PTPRN2: variants seen among roughly 807,000 people sequenced by gnomAD.
PTPRN2 encodes the protein protein tyrosine phosphatase receptor type N2.
Under a neutral mutation model 118.8 loss-of-function variants are expected in PTPRN2, and 74 were observed. That is an observed-to-expected ratio of 0.62 (90% CI 0.52 to 0.76). The LOEUF (loss-of-function observed/expected upper bound fraction) is 0.76. Among genes scored for constraint, PTPRN2 ranks in the 30% least tolerant of loss-of-function variants. PTPRN2 has a pLI of 0.00. For missense variants in PTPRN2, 1,481 were observed against 1,394.4 expected, an observed-to-expected ratio of 1.06 and a Z score of -0.99; for synonymous variants, 641 against 608.0, an observed-to-expected ratio of 1.05 and a Z score of -0.80.
At position 158,015,424 on chromosome 7, in the gene PTPRN2, G is replaced by A. The variant is rs1329455446; in HGVS notation, c.1723+65874C>T. 1.3e-5 allele frequency among the ~76,000 whole-genome samples: 2 copies of A among 151,782 alleles called. No individual in the cohort carries two copies. The highest frequency in any genetic ancestry group is 4.8e-5 in the African/African-American group (2 of 41,312). ...GTGACAAATAGAGAAGAGATGGGGAGAGAGAGGGAAAAAGTGAGAGGAGGG... is the reference window on the plus strand; with the variant it reads ...GTGACAAATAGAGAAGAGATGGGGAAAGAGAGGGAAAAAGTGAGAGGAGGG... On this transcript the variant is annotated intron_variant, in intron 11 of 22. Transcript: ENST00000389418. The surrounding 1 kb of genome is among the most constrained non-coding windows in gnomAD (Gnocchi z 4.2).
At chr7:157,737,489 G>T (rs982239758) in intron 12 of PTPRN2, among the ~76,000 whole-genome samples, 16 of 152,244 alleles carry the variant, frequency 1.1e-4, no homozygotes, top group Non-Finnish European at 2.4e-4. Flanking sequence ...GCTAAGCGTT[G>T]TGCCCGGGCA....
intron 3 of PTPRN2, among the ~76,000 whole-genome samples, chr7:158,300,865 G>A (rs1049566973): frequency 1.3e-5 from 2 of 152,044 alleles, no homozygotes; most frequent in African/African-American, 4.8e-5. Flanking sequence ...TTCATGAAGG[G>A]AAATAAACAC....
At chr7:157,678,100 T>C (rs1796754613) in intron 13 of PTPRN2, among the ~76,000 whole-genome samples, 1 of 152,272 alleles carries the variant, frequency 6.6e-6, no homozygotes, top group East Asian at 1.9e-4. Flanking sequence ...AATTATTTCA[T>C]AACAAATGAT....
At chr7:158,227,273 C>A (rs1828856569) in intron 3 of PTPRN2, among the ~76,000 whole-genome samples, 1 of 152,060 alleles carries the variant, frequency 6.6e-6, no homozygotes, top group African/African-American at 2.4e-5. Flanking sequence ...AGACAGACAG[C>A]CCAAGGTCAT....
chr7:157,682,335 G>A (rs1796954460), intron 13 of PTPRN2, among the ~76,000 whole-genome samples: 2 of 152,212 alleles, frequency 1.3e-5, no homozygotes, highest in African/African-American at 4.8e-5. Context: ...AGACCCCGAG[G>A]AAGCCGATGA....
In PTPRN2 at chr7:158,521,320, G is replaced by A. The variant is rs569267633; in HGVS notation, c.113-31535C>T. ...ACGCACAGGACTGTGTGATTCACCCGAAACCACACAGTTAGTTGCTGAGTT... is the reference window on the plus strand; with the variant it reads ...ACGCACAGGACTGTGTGATTCACCCAAAACCACACAGTTAGTTGCTGAGTT... On this transcript the variant is annotated intron_variant, in intron 1 of 22. Transcript: ENST00000389418. 2.8e-4 allele frequency among the ~76,000 whole-genome samples: 42 copies of A among 152,312 alleles called. 1 individual carries two copies. Among genetic ancestry groups the A allele is most frequent in the East Asian group, 1.5e-3 (8 of 5,184 alleles).
intron 4 of PTPRN2, among the ~76,000 whole-genome samples, chr7:158,195,316 C>A (rs77903439): frequency 0.015 from 2,236 of 152,300 alleles, 37 homozygotes; most frequent in South Asian, 0.058. Flanking sequence ...GAGAAACCTG[C>A]AGTGGCCTTC....
chr7:157,907,148 T>A (rs1797817540), intron 11 of PTPRN2, among the ~76,000 whole-genome samples: 1 of 152,116 alleles, frequency 6.6e-6, no homozygotes, highest in Non-Finnish European at 1.5e-5. Context: ...ACCTTCAAGG[T>A]GGGTGTGGTG....
rs554856592 is a variant in PTPRN2 at position 157,874,355 on chromosome 7, C to G, written c.1788+24318G>C. Among the ~76,000 whole-genome samples the G allele has an allele frequency of 1.5e-3, 229 of 152,314 alleles. 1 individual carries two copies. Among genetic ancestry groups the G allele is most frequent in the African/African-American group, 5.4e-3 (226 of 41,584 alleles). On this transcript the variant is annotated intron_variant, in intron 12 of 22. Transcript: ENST00000389418. This position sits in a 1 kb window ranked among gnomAD's most constrained non-coding sequence, Gnocchi z 5.8. ...CTCAGCCCATTTTCAACGTGACACA[C>G]GCAGGTGAAGTGGACCTGACCCAGC... is the stretch of plus-strand genomic sequence containing the variant.
chr7:157,926,723 T>C (rs910184768), intron 11 of PTPRN2, among the ~76,000 whole-genome samples: 3 of 152,196 alleles, frequency 2.0e-5, no homozygotes, highest in Non-Finnish European at 4.4e-5. Context: ...GCTGCTCCTT[T>C]GCTTCCTGCT....
At chr7:157,793,999 C>G (rs1173463987) in intron 12 of PTPRN2, among the ~76,000 whole-genome samples, 2 of 152,290 alleles carry the variant, frequency 1.3e-5, no homozygotes, top group Admixed American at 1.3e-4. Context: ...CTTCCCGGGT[C>G]CCCACCCTCC....
intron 12 of PTPRN2, chr7:157,856,138 G>C (rs771771834): frequency 2.0e-5 from 3 of 152,204 alleles, no homozygotes; most frequent in Non-Finnish European, 4.4e-5. Flanking sequence ...ACGGTGGGAT[G>C]TCTTGGATTT....
intron 12 of PTPRN2, among the ~76,000 whole-genome samples, chr7:157,783,355 C>T (rs1426609142): frequency 1.3e-5 from 2 of 151,774 alleles, no homozygotes; most frequent in African/African-American, 4.8e-5. Flanking sequence ...CTCCCATGCA[C>T]AGCACACCGG....
intron 2 of PTPRN2, among the ~76,000 whole-genome samples, chr7:158,370,634 C>A (rs1464151860): frequency 6.6e-6 from 1 of 151,960 alleles, no homozygotes; most frequent in Non-Finnish European, 1.5e-5. Flanking sequence ...CACCTGTAGT[C>A]CCAGCTACTC....
intron 14 of PTPRN2, among the ~76,000 whole-genome samples, chr7:157,651,540 T>C (rs1805661570): frequency 6.6e-6 from 1 of 152,152 alleles, no homozygotes; most frequent in Non-Finnish European, 1.5e-5. Flanking sequence ...ACGCGGTGGC[T>C]CCCGGCCGAC....
chr7:157,688,671 T>TG (rs887507832), intron 12 of PTPRN2, among the ~76,000 whole-genome samples: 6 of 152,138 alleles, frequency 3.9e-5, no homozygotes, highest in Non-Finnish European at 7.4e-5. Flanking sequence ...TCTTCAGGAC[T>TG]GGGGGGGTTA....
At chr7:158,300,783 AG>A (rs1800836373) in intron 3 of PTPRN2, among the ~76,000 whole-genome samples, 1 of 151,454 alleles carries the variant, frequency 6.6e-6, no homozygotes, top group South Asian at 2.1e-4. Flanking sequence ...GTGTGGAGGG[AG>A]GGGAGGTGGG....
rs144090030 is a variant in PTPRN2, at chr7:157,959,202, A to G, written c.1724-60465T>C. On this transcript the variant is annotated intron_variant, in intron 11 of 22. Coordinates refer to ENST00000389418, the MANE Select transcript of PTPRN2 (RefSeq NM_002847.5). ...TAAAGCTGGACCTGTAACTTACATC[A>G]TATACAAAACTTAAAACTGATCAAA... Among the ~76,000 whole-genome samples the G allele has an allele frequency of 2.6e-3, 393 of 152,376 alleles. 2 individuals carry two copies. The highest frequency in any genetic ancestry group is 8.6e-3 in the African/African-American group (359 of 41,592).
At chr7:157,689,769 G>T (rs7787547) in intron 12 of PTPRN2, among the ~76,000 whole-genome samples, 25,207 of 152,194 alleles carry the variant, frequency 0.17, 2,283 homozygotes, top group South Asian at 0.26. Context: ...GTTCTCTTTG[G>T]GGGAGGAGAG....
Sources: allele counts gnomAD v4.1 joint callset (sites outside exome capture counted in the v4.1 genomes callset), GRCh38; gene constraint gnomAD v4.1.1; non-coding constraint Gnocchi (gnomAD v3.1); transcripts MANE v1.5; gene names NCBI Gene and HGNC (gene_info 2026-07-23, HGNC 2026-07-21).